The following SLIT3 variants were observed in gnomAD, a reference collection of about 807,000 sequenced individuals.
SLIT3 encodes slit guidance ligand 3.
In SLIT3, 68 loss-of-function variants were observed where a neutral mutation model predicts 184.0. The observed-to-expected ratio is 0.37, with a 90% CI of 0.30 to 0.45. The LOEUF (loss-of-function observed/expected upper bound fraction) is 0.45, where lower values mean the gene tolerates loss of function less well. Ranked by LOEUF, SLIT3 falls within the 20% of genes least tolerant of loss-of-function variation. SLIT3 has a pLI of 1.00. For synonymous variants in SLIT3, 831 were observed against 828.6 expected (o/e 1.00, Z -0.05); for missense variants, 1,707 against 2,026.0 (o/e 0.84, Z 3.02).
chr5:169,280,939 A>G (rs965217101), intron 1 of SLIT3, among the ~76,000 whole-genome samples: 4 of 152,196 alleles, frequency 2.6e-5, no homozygotes, highest in Non-Finnish European at 4.4e-5. Context: ...AACTGGACAG[A>G]TGAGATCAAT....
intron 4 of SLIT3, among the ~76,000 whole-genome samples, chr5:169,124,808 G>T (rs1761014531): frequency 6.6e-6 from 1 of 151,704 alleles, no homozygotes; most frequent in African/African-American, 2.4e-5. Context: ...TACCGATGTG[G>T]TATTGTGCTG....
intron 3 of SLIT3, among the ~76,000 whole-genome samples, chr5:169,226,982 C>T (rs549744023): frequency 1.2e-3 from 190 of 152,340 alleles, no homozygotes; most frequent in African/African-American, 4.4e-3. Flanking sequence ...TCGGCCCTGC[C>T]TCCCTCAGTC....
At chr5:169,083,647 C>G (rs1411636831) in intron 4 of SLIT3, among the ~76,000 whole-genome samples, 1 of 152,174 alleles carries the variant, frequency 6.6e-6, no homozygotes, top group Non-Finnish European at 1.5e-5. Context: ...TCAATCTGGG[C>G]TCAGCGGGGA....
chr5:169,104,533 T>G (rs911818489), intron 4 of SLIT3, among the ~76,000 whole-genome samples: 2 of 152,234 alleles, frequency 1.3e-5, no homozygotes, highest in African/African-American at 2.4e-5. Context: ...AACCATTGAA[T>G]GCATTGATGA....
intron 5 of SLIT3, among the ~76,000 whole-genome samples, chr5:168,878,960 C>T (rs768345028): frequency 5.3e-4 from 80 of 152,300 alleles, no homozygotes; most frequent in Non-Finnish European, 8.1e-4. Context: ...GGTGATCCAC[C>T]CGCCTTGGCC....
intron 4 of SLIT3, among the ~76,000 whole-genome samples, chr5:168,899,735 T>C (rs1413529269): frequency 6.6e-6 from 1 of 152,152 alleles, no homozygotes; most frequent in Admixed American, 6.5e-5. Flanking sequence ...TTCACAAATA[T>C]ATTTAAAATC....
chr5:169,084,285 TTTTC>T (rs1380799118), intron 4 of SLIT3, among the ~76,000 whole-genome samples: 7 of 149,708 alleles, frequency 4.7e-5, no homozygotes, highest in South Asian at 2.1e-4. Flanking sequence ...TTTCTTTTTC[TTTTC>T]TTTTTTTTTT....
At chr5:168,721,782 T>C (rs1472363514) in intron 23 of SLIT3, among the ~76,000 whole-genome samples, 2 of 152,198 alleles carry the variant, frequency 1.3e-5, no homozygotes, top group African/African-American at 2.4e-5. Flanking sequence ...GTCTGTGAGC[T>C]GGACGGGGGC....
At chr5:168,904,286 C>A (rs997562314) in intron 4 of SLIT3, among the ~76,000 whole-genome samples, 2 of 152,094 alleles carry the variant, frequency 1.3e-5, no homozygotes, top group South Asian at 4.1e-4. Context: ...GACTTTTCTG[C>A]TAAGTTTGCT....
intron 4 of SLIT3, among the ~76,000 whole-genome samples, chr5:169,006,944 C>G (rs1489970019): frequency 6.6e-6 from 1 of 152,108 alleles, no homozygotes; most frequent in Non-Finnish European, 1.5e-5. Flanking sequence ...ACCCCACCCC[C>G]CAACTGCAAC....
chr5:168,920,796 C>A (rs1761610030), intron 4 of SLIT3, among the ~76,000 whole-genome samples: 1 of 146,690 alleles, frequency 6.8e-6, no homozygotes, highest in Non-Finnish European at 1.5e-5. Context: ...AACTCCAAGT[C>A]TCTCTCTCCC....
At chr5:168,849,065 AT>A (rs927630197) in intron 5 of SLIT3, among the ~76,000 whole-genome samples, 15 of 152,190 alleles carry the variant, frequency 9.9e-5, no homozygotes, top group Non-Finnish European at 1.6e-4. Flanking sequence ...AAGAAAAAGA[AT>A]TTTTTTTAAA....
chr5:169,214,681 G>A (rs1326722682), intron 3 of SLIT3, among the ~76,000 whole-genome samples: 1 of 152,204 alleles, frequency 6.6e-6, no homozygotes, highest in Non-Finnish European at 1.5e-5. Flanking sequence ...TAAAGTGAAA[G>A]GGATATGCTG....
At chr5:168,757,624 AC>A (rs749538061) in intron 16 of SLIT3, among the ~76,000 whole-genome samples, 197 of 152,104 alleles carry the variant, frequency 1.3e-3, no homozygotes, top group Middle Eastern at 6.8e-3. Flanking sequence ...TTTAGTAGAG[AC>A]GGGGTTTCAC....
chr5:169,125,004 TTTTG>T (rs1372590077), intron 4 of SLIT3, among the ~76,000 whole-genome samples: 4 of 152,146 alleles, frequency 2.6e-5, no homozygotes, highest in East Asian at 3.9e-4. Flanking sequence ...TGTTTTTATT[TTTTG>T]TTTTTCTGTT....
chr5:168,810,917 C>G (rs1757137815), intron 8 of SLIT3, among the ~76,000 whole-genome samples: 1 of 152,114 alleles, frequency 6.6e-6, no homozygotes, highest in Non-Finnish European at 1.5e-5. Flanking sequence ...GGGTATTGTG[C>G]CCAGTATCCC....
At chr5:169,122,135 G>T (rs181944450) in intron 4 of SLIT3, among the ~76,000 whole-genome samples, 23 of 152,000 alleles carry the variant, frequency 1.5e-4, no homozygotes, top group Admixed American at 1.5e-3. Context: ...TTTCACTAGG[G>T]CCTATGTTTA....
At chr5:169,241,071 T>C (rs563285301) in intron 3 of SLIT3, among the ~76,000 whole-genome samples, 3 of 152,234 alleles carry the variant, frequency 2.0e-5, no homozygotes, top group Non-Finnish European at 2.9e-5. Flanking sequence ...TCAACTCCCA[T>C]GTTTTTCTTG....
chr5:168,698,261 C>A (rs941467153), intron 27 of SLIT3, among the ~76,000 whole-genome samples: 1 of 152,180 alleles, frequency 6.6e-6, no homozygotes, highest in Non-Finnish European at 1.5e-5. Context: ...ACCCTGAGTA[C>A]ATCAGAACGT....
Sources: gnomAD v4.1 joint callset for allele counts (sites outside exome capture counted in the v4.1 genomes callset) on GRCh38, gnomAD v4.1.1 for gene constraint, MANE v1.5 for transcripts, NCBI Gene and HGNC (gene_info 2026-07-23, HGNC 2026-07-21) for gene names.